Variants in FAM161A observed in about 807,000 individuals in gnomAD.
The protein encoded by FAM161A is FAM161 centrosomal protein A, also known as protein FAM161A.
FAM161A carries 57 observed loss-of-function variants against 70.9 expected under a neutral mutation model. The ratio of observed to expected loss-of-function variants is 0.80; its 90% CI spans 0.65 to 1.00. The LOEUF is 1.00. FAM161A is among the 50% of genes least tolerant of loss of function. FAM161A has a pLI of 0.00. For synonymous variants in FAM161A, 299 were observed against 295.7 expected, an observed-to-expected ratio of 1.01 and a Z score of -0.12; for missense variants, 880 against 836.0, an observed-to-expected ratio of 1.05 and a Z score of -0.65.
At chr2:61,811,563 T>C in the FAM161A span, among the ~76,000 whole-genome samples, 1 of 152,070 alleles carries the variant, frequency 6.6e-6, no homozygotes, top group Non-Finnish European at 1.5e-5. Context: ...TAGTAGAGAC[T>C]AGTTTCTCCA....
At chr2:61,801,133 A>C in the FAM161A span, among the ~76,000 whole-genome samples, 2 of 152,100 alleles carry the variant, frequency 1.3e-5, no homozygotes, top group Non-Finnish European at 2.9e-5. Context: ...ATTTCTTAGG[A>C]GGCCTTAGGG....
intron 4 of FAM161A, among the ~76,000 whole-genome samples, chr2:61,838,099 A>G (rs1672840223): frequency 1.3e-5 from 2 of 152,242 alleles, no homozygotes; most frequent in African/African-American, 4.8e-5. Flanking sequence ...AAAATGCAAC[A>G]CATACTACTA....
At chr2:61,812,973 GA>G in the FAM161A span, among the ~76,000 whole-genome samples, 2 of 152,144 alleles carry the variant, frequency 1.3e-5, no homozygotes, top group South Asian at 4.1e-4. Flanking sequence ...TGAGGCAGGA[GA>G]ATGGCGTGAA....
downstream of FAM161A, chr2:61,820,198 G>T (rs1672174328): frequency 5.4e-6 from 3 of 554,984 alleles, no homozygotes; most frequent in African/African-American, 1.9e-5. Flanking sequence ...TCCCACTGCT[G>T]TCATGTCTAA....
intron 5 of FAM161A, among the ~76,000 whole-genome samples, chr2:61,835,223 A>G (rs1672728103): frequency 6.6e-6 from 1 of 152,226 alleles, no homozygotes; most frequent in Non-Finnish European, 1.5e-5. Flanking sequence ...CAAATTCACA[A>G]TTTAGAACCT....
chr2:61,809,504 G>A, the FAM161A span, among the ~76,000 whole-genome samples: 1 of 152,052 alleles, frequency 6.6e-6, no homozygotes, highest in Non-Finnish European at 1.5e-5. Context: ...AAGCATCTCC[G>A]TTAGCATGTC....
the FAM161A span, among the ~76,000 whole-genome samples, chr2:61,819,490 CT>C: frequency 5.3e-5 from 8 of 152,068 alleles, no homozygotes; most frequent in Non-Finnish European, 1.2e-4. Flanking sequence ...ACAACAAAAT[CT>C]CATTCAAGTC....
chr2:61,809,860 T>C, the FAM161A span, among the ~76,000 whole-genome samples: 1 of 152,158 alleles, frequency 6.6e-6, no homozygotes, highest in African/African-American at 2.4e-5. Context: ...AAGACTGCCA[T>C]GTGAAGAATC....
the FAM161A span, among the ~76,000 whole-genome samples, chr2:61,818,212 C>T: frequency 2.8e-4 from 42 of 152,102 alleles, no homozygotes; most frequent in Middle Eastern, 3.4e-3. Flanking sequence ...CCCACCACCA[C>T]GCCCGGCTAA....
At position 61,826,514 on chromosome 2, in the gene FAM161A, CCTTG is replaced by C. The variant is rs1380570183; in HGVS notation, c.2088_2091del (p.Tyr696Ter). 1 of 1,607,226 alleles carries C rather than the reference CCTTG, an allele frequency of 6.2e-7. No homozygotes were observed. The highest frequency in any genetic ancestry group is 1.3e-5 in the African/African-American group (1 of 74,858). ...CTTTCCTCATTGGCTTCATCTTTTT[CCTTG>C]TAAGAATCCTGGCTGTTGGTATCAA... On this transcript the variant is annotated frameshift_variant, in exon 7 of 7. Transcript: ENST00000404929. LOFTEE classifies it low-confidence loss of function (END_TRUNC).
At position 61,826,507 on chromosome 2, in the gene FAM161A, T is replaced by C. The variant is rs1465125337; in HGVS notation, c.2099A>G (p.Asp700Gly). ...TTCTTCACTTTCCTCATTGGCTTCA[T>C]CTTTTTCCTTGTAAGAATCCTGGCT... The part of the protein sequence containing the change: ...TNSQDSYKEK[D>G]EANEESEEEK... The change falls in exon 7 of 7, where the codon GAT becomes GGT. Residue 700 changes from aspartate to glycine, a missense_variant. By Grantham distance (94) the Asp-to-Gly change is moderately conservative (BLOSUM62 -1). Transcript: ENST00000404929. 6.2e-7 allele frequency: 1 copy of C among 1,608,192 alleles called. No individual in the cohort carries two copies. The highest frequency in any genetic ancestry group is 2.2e-5 in the East Asian group (1 of 44,826).
intron 1 of FAM161A, among the ~76,000 whole-genome samples, chr2:61,843,034 C>T (rs756480652): frequency 6.6e-6 from 1 of 152,132 alleles, no homozygotes; most frequent in Non-Finnish European, 1.5e-5. Flanking sequence ...AGGATGACAA[C>T]AAAGCAAAGA....
At chr2:61,808,387 A>G in the FAM161A span, among the ~76,000 whole-genome samples, 642 of 151,700 alleles carry the variant, frequency 4.2e-3, 3 homozygotes, top group African/African-American at 0.014. Context: ...ATTCCGCTGC[A>G]TCTGCCTCCC....
chr2:61,826,453 A>T lies in FAM161A; in HGVS notation c.*2T>A. The T allele has an allele frequency of 1.9e-6, 3 of 1,611,140 alleles. No homozygotes were observed. In the South Asian group the frequency reaches 3.3e-5, roughly 18 times the overall value. Reference sequence around the variant, plus strand: ...AGGGCATAGAGAGGAGACCTTGATGATTCAGTGTGATTCTTCAACAGATTT... The same window carrying T: ...AGGGCATAGAGAGGAGACCTTGATGTTTCAGTGTGATTCTTCAACAGATTT... On this transcript the variant is annotated 3_prime_UTR_variant, in exon 7 of 7. Coordinates refer to ENST00000404929, the MANE Select transcript of FAM161A (RefSeq NM_001201543.2).
chr2:61,845,773 C>A, intron 1 of FAM161A, among the ~76,000 whole-genome samples: 1 of 149,402 alleles, frequency 6.7e-6, no homozygotes, highest in Non-Finnish European at 1.5e-5. Flanking sequence ...TGAGCCTGGG[C>A]GACAGAGTGA....
rs1166920376 is a variant in FAM161A, at chr2:61,840,070, C to G, written c.934G>C (p.Glu312Gln). The G allele has an allele frequency of 8.7e-6, 14 of 1,614,164 alleles. No individual in the cohort carries two copies. Among genetic ancestry groups the G allele is most frequent in the Non-Finnish European group, 1.1e-5 (13 of 1,180,032 alleles). The change falls in exon 3 of 7, where the codon GAG becomes CAG. Residue 312 changes from glutamate to glutamine, a missense_variant. Transcript: ENST00000404929. ...QKEERRRSLKEKSKEALLASQ... is the reference protein window; with the variant it reads ...QKEERRRSLKQKSKEALLASQ... ...GCCAAAAGAGCTTCTTTGCTTTTCT[C>G]CTTCAGAGACCTTCTCCGTTCTTCT...
chr2:61,812,290 A>C, the FAM161A span, among the ~76,000 whole-genome samples: 1 of 152,152 alleles, frequency 6.6e-6, no homozygotes. Context: ...TTGTTTGCTG[A>C]TGTATTCTCA....
chr2:61,852,953 T>C (rs1482183877), intron 1 of FAM161A, among the ~76,000 whole-genome samples: 1 of 149,134 alleles, frequency 6.7e-6, no homozygotes, highest in Admixed American at 6.7e-5. Flanking sequence ...TTTTTTTTTT[T>C]TTTTTTTGAG....
At chr2:61,851,862 A>T (rs1346571571) in intron 1 of FAM161A, among the ~76,000 whole-genome samples, 6 of 152,150 alleles carry the variant, frequency 3.9e-5, no homozygotes, top group African/African-American at 1.2e-4. Context: ...AAAACCAAAG[A>T]GCTGAAAGAG....
Sources: allele counts gnomAD v4.1 joint callset (sites outside exome capture counted in the v4.1 genomes callset), GRCh38; gene constraint gnomAD v4.1.1; transcripts MANE v1.5; gene names NCBI Gene and HGNC (gene_info 2026-07-23, HGNC 2026-07-21).